Variants in MAN1A2 observed in about 807,000 individuals in gnomAD.
MAN1A2 encodes mannosyl-oligosaccharide 1,2-alpha-mannosidase IB.
MAN1A2 carries 26 observed loss-of-function variants against 75.7 expected under a neutral mutation model. That is an observed-to-expected ratio of 0.34 (90% CI 0.25 to 0.48). MAN1A2 has a LOEUF of 0.48. Among genes scored for constraint, MAN1A2 ranks in the 20% least tolerant of loss-of-function variants. MAN1A2 has a pLI of 0.99. For missense variants in MAN1A2, 562 were observed against 775.5 expected (o/e 0.72, Z 3.27); for synonymous variants, 247 against 264.6 (o/e 0.93, Z 0.65).
At chr1:117,461,168 C>T (rs1263745849) in intron 7 of MAN1A2, among the ~76,000 whole-genome samples, 1 of 152,018 alleles carries the variant, frequency 6.6e-6, no homozygotes, top group African/African-American at 2.4e-5. Flanking sequence ...ATATATGTTT[C>T]CTACAAATAA....
At chr1:117,434,747 CTGTGTGTGTGTGTGTGTGTGTG>C (rs61681259) in intron 5 of MAN1A2, among the ~76,000 whole-genome samples, 12 of 135,418 alleles carry the variant, frequency 8.9e-5, no homozygotes, top group African/African-American at 2.4e-4. Context: ...TTGGTTACAG[CTGTGTGTGTGTGTGTGTGTGTG>C]TGTGTGTGTG....
chr1:117,393,240 T>C (rs977484735), intron 1 of MAN1A2, among the ~76,000 whole-genome samples: 1 of 152,206 alleles, frequency 6.6e-6, no homozygotes, highest in Non-Finnish European at 1.5e-5. Context: ...AATAACACCA[T>C]TTTAATTAAC....
chr1:117,458,892 T>G lies in MAN1A2; in HGVS notation c.951-1597T>G, dbSNP rs111497862. Among the ~76,000 whole-genome samples, 338 of 152,210 alleles carry G rather than the reference T, an allele frequency of 2.2e-3. 1 individual carries two copies. Among genetic ancestry groups the G allele is most frequent in the Middle Eastern group, 0.017 (5 of 294 alleles). ...CCTAGAGAATGGTCTAGAGTTCTTG[T>G]AGGAATAATCCAGGAACTCTGCTGC... On this transcript the variant is annotated intron_variant, in intron 6 of 12. Transcript: ENST00000356554.
chr1:117,380,642 T>C (rs1005398695), intron 1 of MAN1A2, among the ~76,000 whole-genome samples: 5 of 152,170 alleles, frequency 3.3e-5, no homozygotes, highest in African/African-American at 1.2e-4. Context: ...CCCTATTGAA[T>C]AATATTGGCA....
chr1:117,456,985 C>T (rs1225301584), intron 6 of MAN1A2, among the ~76,000 whole-genome samples: 4 of 152,008 alleles, frequency 2.6e-5, no homozygotes, highest in Non-Finnish European at 5.9e-5. Flanking sequence ...TTGCTTTTGT[C>T]GGAATGCATT....
Position 117,367,992 on chromosome 1 carries a change from G to A in MAN1A2, c.-192G>A, listed in dbSNP as rs1652824978. On this transcript the variant is annotated 5_prime_UTR_variant, in exon 1 of 13. Transcript: ENST00000356554. Reference sequence around the variant, plus strand: ...GACCTAAACTTGTGATCGTTTGGGGGAGGTCACACACGTTTCTGAGTGGGA... The same window carrying A: ...GACCTAAACTTGTGATCGTTTGGGGAAGGTCACACACGTTTCTGAGTGGGA... The A allele has an allele frequency of 5.2e-6, 3 of 578,938 alleles. No homozygotes were observed. The highest frequency in any genetic ancestry group is 9.1e-6 in the Non-Finnish European group (3 of 328,138). The allele number at this position is 578,938 out of a possible 1,614,324, so 35.9% of individuals were successfully genotyped here. A position where few individuals can be genotyped will look rare whatever the true frequency, so the allele number is the denominator to read the frequency against.
At chr1:117,438,232 G>A (rs1648908029) in intron 5 of MAN1A2, among the ~76,000 whole-genome samples, 1 of 152,034 alleles carries the variant, frequency 6.6e-6, no homozygotes, top group African/African-American at 2.4e-5. Context: ...GTTTGTGTTT[G>A]TGTCTTAGTT....
At chr1:117,487,732 C>T (rs1646123330) in intron 8 of MAN1A2, among the ~76,000 whole-genome samples, 1 of 151,794 alleles carries the variant, frequency 6.6e-6, no homozygotes, top group African/African-American at 2.4e-5. Context: ...TGTTTATTAC[C>T]AAAAAATGTG....
chr1:117,396,909 T>G (rs1363503292), intron 1 of MAN1A2, among the ~76,000 whole-genome samples: 1 of 152,050 alleles, frequency 6.6e-6, no homozygotes, highest in Non-Finnish European at 1.5e-5. Flanking sequence ...TTCCTATCTC[T>G]GTTAATGAAG....
In MAN1A2 at chr1:117,420,557, TG is replaced by T. The variant is rs1648152680; in HGVS notation, c.775-11del. 6.3e-7 allele frequency: 1 copy of T among 1,590,492 alleles called. No individual in the cohort carries two copies. On this transcript the variant is annotated splice_polypyrimidine_tract_variant and intron_variant, in intron 4 of 12. Coordinates refer to ENST00000356554, the MANE Select transcript of MAN1A2 (RefSeq NM_006699.5). The stretch of plus-strand genomic sequence containing the variant: ...TACGTATTTGTGAATGTTTTCAATA[TG>T]TTTTTCACAGAATTCAGAGGTGTCT...
At chr1:117,476,905 G>C (rs1044717976) in intron 8 of MAN1A2, among the ~76,000 whole-genome samples, 1 of 152,068 alleles carries the variant, frequency 6.6e-6, no homozygotes. Context: ...AAAGTCAATG[G>C]TAGCTTGTTG....
chr1:117,379,198 T>C (rs2101723472), intron 1 of MAN1A2, among the ~76,000 whole-genome samples: 1 of 152,218 alleles, frequency 6.6e-6, no homozygotes, highest in Non-Finnish European at 1.5e-5. Context: ...TTTTTCCGTA[T>C]GGGTATCTAG....
intron 12 of MAN1A2, among the ~76,000 whole-genome samples, chr1:117,517,919 G>T (rs1035400750): frequency 1.3e-5 from 2 of 151,780 alleles, no homozygotes; most frequent in African/African-American, 4.8e-5. Flanking sequence ...AGAGGAGAAA[G>T]AAAAATTAGG....
chr1:117,513,374 A>T (rs932318427), intron 12 of MAN1A2, among the ~76,000 whole-genome samples: 1 of 152,050 alleles, frequency 6.6e-6, no homozygotes, highest in African/African-American at 2.4e-5. Flanking sequence ...TTTTTACATA[A>T]TATTTTTTAG....
chr1:117,517,772 G>A (rs939899507), intron 12 of MAN1A2, among the ~76,000 whole-genome samples: 1 of 151,838 alleles, frequency 6.6e-6, no homozygotes, highest in Non-Finnish European at 1.5e-5. Context: ...CAAACTTGAT[G>A]TAAACTATTT....
At chr1:117,368,547 C>G (rs1570685899) in intron 1 of MAN1A2, 62 bp downstream of exon 1, 1 of 1,402,828 alleles carries the variant, frequency 7.1e-7, no homozygotes, top group East Asian at 2.3e-5. Flanking sequence ...GTGATTGGAT[C>G]GAATCTGTCT....
intron 11 of MAN1A2, among the ~76,000 whole-genome samples, chr1:117,500,880 G>A (rs549847588): frequency 4.0e-5 from 6 of 151,826 alleles, no homozygotes; most frequent in Non-Finnish European, 5.9e-5. Context: ...TAATGCTTCC[G>A]TAAATTAAGC....
At chr1:117,497,441 G>C (rs1651065487) in intron 10 of MAN1A2, among the ~76,000 whole-genome samples, 1 of 151,862 alleles carries the variant, frequency 6.6e-6, no homozygotes, top group Admixed American at 6.6e-5. Flanking sequence ...TTTTCAATTA[G>C]TTCACCAGTA....
intron 5 of MAN1A2, among the ~76,000 whole-genome samples, chr1:117,431,163 C>G (rs1179919768): frequency 2.7e-5 from 3 of 111,546 alleles, no homozygotes; most frequent in Non-Finnish European, 5.3e-5. Flanking sequence ...AGTCCAGCTT[C>G]GGCTCCGCAT....
Sources: allele counts gnomAD v4.1 joint callset (sites outside exome capture counted in the v4.1 genomes callset), GRCh38; gene constraint gnomAD v4.1.1; transcripts MANE v1.5; gene names NCBI Gene and HGNC (gene_info 2026-07-23, HGNC 2026-07-21).